COBL: variants seen among roughly 807,000 people sequenced by gnomAD.
COBL encodes protein cordon-bleu.
A neutral mutation model predicts 98.8 loss-of-function variants in COBL; 51 were observed. That is an observed-to-expected ratio of 0.52 (90% confidence interval 0.41 to 0.65). The LOEUF is 0.65. COBL is among the 30% of genes least tolerant of loss of function. COBL has a pLI of 0.00. For missense variants in COBL, 1,617 were observed against 1,617.5 expected, an observed-to-expected ratio of 1.00 and a Z score of 0.01; for synonymous variants, 634 against 651.7, an observed-to-expected ratio of 0.97 and a Z score of 0.41.
Position 51,136,340 on chromosome 7 carries a change from G to A in COBL, c.784-9C>T. ...GGGGTCGTTAAACAGCCCTGTTGGG[G>A]AAGAGACAAACAGAAAACCAAATCA... On this transcript the variant is annotated splice_polypyrimidine_tract_variant and intron_variant, in intron 5 of 12. Transcript: ENST00000265136. 11 of 1,606,450 alleles carry A rather than the reference G, an allele frequency of 6.8e-6. No homozygotes were observed. Among genetic ancestry groups the A allele is most frequent in the Non-Finnish European group, 9.3e-6 (11 of 1,177,278 alleles).
chr7:51,315,351 C>A (rs936846492), intron 1 of COBL, among the ~76,000 whole-genome samples: 2 of 152,076 alleles, frequency 1.3e-5, no homozygotes, highest in African/African-American at 2.4e-5. Flanking sequence ...TCACCTTTTC[C>A]TGGCATTAAA....
chr7:51,276,201 A>T (rs1335729865), intron 1 of COBL, among the ~76,000 whole-genome samples: 1 of 152,236 alleles, frequency 6.6e-6, no homozygotes, highest in African/African-American at 2.4e-5. Context: ...ACTCATGCAC[A>T]GCACATTTTG....
chr7:51,082,250 A>G (rs1211472705), intron 7 of COBL, among the ~76,000 whole-genome samples: 1 of 152,162 alleles, frequency 6.6e-6, no homozygotes, highest in Non-Finnish European at 1.5e-5. Flanking sequence ...GCACAGTGAT[A>G]TTGCGCTGCT....
chr7:51,303,257 T>C (rs113603769), intron 1 of COBL, among the ~76,000 whole-genome samples: 4,995 of 152,182 alleles, frequency 0.033, 273 homozygotes, highest in African/African-American at 0.11. Context: ...GGAAAGCCCA[T>C]CATCCAAAAT....
At chr7:51,179,594 T>C (rs1475437456) in intron 5 of COBL, among the ~76,000 whole-genome samples, 1 of 152,206 alleles carries the variant, frequency 6.6e-6, no homozygotes, top group African/African-American at 2.4e-5. Context: ...ACCGAAAAAT[T>C]TGATGTGTCT....
intron 1 of COBL, among the ~76,000 whole-genome samples, chr7:51,275,260 C>T (rs1025415205): frequency 6.6e-6 from 1 of 152,162 alleles, no homozygotes; most frequent in Non-Finnish European, 1.5e-5. Flanking sequence ...CTGCAAAGGA[C>T]CTGAGGGAGA....
intron 1 of COBL, chr7:51,260,183 G>A: frequency 1.2e-6 from 1 of 851,296 alleles, no homozygotes; most frequent in Non-Finnish European, 1.9e-6. Flanking sequence ...TAGAGTTGTA[G>A]CTACTGATCA....
intron 7 of COBL, among the ~76,000 whole-genome samples, chr7:51,045,971 C>T (rs1372355896): frequency 6.6e-6 from 1 of 152,194 alleles, no homozygotes; most frequent in Non-Finnish European, 1.5e-5. Flanking sequence ...GCCAGCCCTC[C>T]TGCTCTCCAT....
chr7:51,138,497 G>A (rs1178062003), intron 5 of COBL, among the ~76,000 whole-genome samples: 2 of 152,106 alleles, frequency 1.3e-5, no homozygotes, highest in East Asian at 3.9e-4. Flanking sequence ...TTGCTGGATG[G>A]CTGGTTTGTA....
At chr7:51,307,039 C>T (rs1037196028) in intron 1 of COBL, among the ~76,000 whole-genome samples, 5 of 152,182 alleles carry the variant, frequency 3.3e-5, no homozygotes, top group Admixed American at 6.5e-5. Context: ...ACATGGCAAT[C>T]TCACCTACAA....
intron 1 of COBL, among the ~76,000 whole-genome samples, chr7:51,310,955 C>T (rs1471860165): frequency 1.3e-5 from 2 of 151,716 alleles, no homozygotes; most frequent in African/African-American, 2.4e-5. Flanking sequence ...TGAGCCCGGC[C>T]GGTTGTATTT....
intron 1 of COBL, among the ~76,000 whole-genome samples, chr7:51,298,217 C>T (rs532866343): frequency 3.7e-4 from 57 of 152,324 alleles, no homozygotes; most frequent in African/African-American, 1.4e-3. Context: ...AAAACTGAGC[C>T]ACTGTCCAGC....
At chr7:51,102,593 G>A (rs949516874) in intron 6 of COBL, among the ~76,000 whole-genome samples, 1 of 152,100 alleles carries the variant, frequency 6.6e-6, no homozygotes, top group Non-Finnish European at 1.5e-5. Flanking sequence ...ACATACATTA[G>A]GTTCACGTTA....
chr7:51,193,584 G>T lies in COBL; in HGVS notation c.251C>A (p.Ala84Glu). The change falls in exon 3 of 13, where the codon GCG becomes GAG. Residue 84 changes from alanine (A) to glutamate (E), a missense_variant. By Grantham distance (107) the Ala-to-Glu change is moderately radical (BLOSUM62 -1). Around this residue, in one of 3 missense-constraint regions of COBL, gnomAD observed 238 missense variants for 215.0 expected, o/e 1.11. Transcript: ENST00000265136. ...AAGTTCAACCAGTAGGTCCATCATC[G>T]CATGGCTGAAAAAAGGAAAACAAAT... ...EKRSVLNGSHAMMDLLVELCL... is the reference protein window; with the variant it reads ...EKRSVLNGSHEMMDLLVELCL... 6.2e-7 allele frequency: 1 copy of T among 1,613,666 alleles called. No homozygotes were observed. Among genetic ancestry groups the T allele is most frequent in the East Asian group, 2.2e-5 (1 of 44,876 alleles).
intron 5 of COBL, among the ~76,000 whole-genome samples, chr7:51,146,998 G>T (rs900374453): frequency 5.9e-5 from 9 of 152,178 alleles, no homozygotes; most frequent in Admixed American, 5.9e-4. Context: ...GCAGGGGGTT[G>T]CTCATTAACC....
At chr7:51,168,811 G>A (rs1787580955) in intron 5 of COBL, among the ~76,000 whole-genome samples, 1 of 152,180 alleles carries the variant, frequency 6.6e-6, no homozygotes, top group African/African-American at 2.4e-5. Context: ...AGAGATATCT[G>A]CATTCTCCCA....
intron 6 of COBL, 102 bp from the exon 7 acceptor site, chr7:51,085,406 C>G: frequency 3.1e-6 from 4 of 1,289,834 alleles, no homozygotes; most frequent in Non-Finnish European, 4.2e-6. Context: ...GGACCTGCAC[C>G]GGAAGGTGGT....
At chr7:51,214,874 G>C (rs1053568724) in intron 2 of COBL, among the ~76,000 whole-genome samples, 1 of 152,122 alleles carries the variant, frequency 6.6e-6, no homozygotes, top group Non-Finnish European at 1.5e-5. Flanking sequence ...GGAGCTGCAG[G>C]GAGGCCTACA....
intron 1 of COBL, among the ~76,000 whole-genome samples, chr7:51,288,554 A>C (rs554149434): frequency 1.4e-3 from 212 of 152,012 alleles, no homozygotes; most frequent in Non-Finnish European, 2.6e-3. Flanking sequence ...GGAGTTCGAG[A>C]CCAGCCTGGC....
Sources: allele counts gnomAD v4.1 joint callset (sites outside exome capture counted in the v4.1 genomes callset), GRCh38; gene constraint gnomAD v4.1.1; regional missense constraint gnomAD v4.1.1; transcripts MANE v1.5; gene names NCBI Gene and HGNC (gene_info 2026-07-23, HGNC 2026-07-21).